The following ACSM6 variants were observed in gnomAD, a reference collection of about 807,000 sequenced individuals.
ACSM6 encodes acyl-coenzyme A synthetase ACSM6, mitochondrial.
Under a neutral mutation model 51.1 loss-of-function variants are expected in ACSM6, and 35 were observed. The ratio of observed to expected loss-of-function variants is 0.69; its 90% CI spans 0.52 to 0.91. ACSM6 has a LOEUF of 0.91. Among genes scored for constraint, ACSM6 ranks in the 40% least tolerant of loss-of-function variants. ACSM6 has a pLI of 0.00. For synonymous variants in ACSM6, 172 were observed against 207.3 expected, an observed-to-expected ratio of 0.83 and a Z score of 1.46; for missense variants, 509 against 584.1, an observed-to-expected ratio of 0.87 and a Z score of 1.32.
intron 4 of ACSM6, among the ~76,000 whole-genome samples, chr10:95,210,336 G>A (rs1237485579): frequency 6.6e-6 from 1 of 152,122 alleles, no homozygotes; most frequent in African/African-American, 2.4e-5. Context: ...TAGGTAAGTC[G>A]ATAGATGGGG....
chr10:95,219,935 C>G, exon 9 of ACSM6: 2 of 1,613,676 alleles, frequency 1.2e-6, no homozygotes, highest in Non-Finnish European at 8.5e-7. Flanking sequence ...TGAAGCCAAG[C>G]TCTCTGGGGA....
At chr10:95,212,172 C>T in intron 6 of ACSM6, 138 bp downstream of exon 6, 1 of 1,041,666 alleles carries the variant, frequency 9.6e-7, no homozygotes, top group South Asian at 1.6e-5. Flanking sequence ...AGATGCTCTC[C>T]CTGCTTGTGA....
intron 4 of ACSM6, among the ~76,000 whole-genome samples, chr10:95,209,022 A>G (rs2034869663): frequency 6.6e-6 from 1 of 151,916 alleles, no homozygotes; most frequent in Admixed American, 6.6e-5. Flanking sequence ...CAACAAATAG[A>G]CAACAAGAAA....
At chr10:95,208,443 A>G (rs1433633059) in intron 4 of ACSM6, among the ~76,000 whole-genome samples, 2 of 152,160 alleles carry the variant, frequency 1.3e-5, no homozygotes, top group African/African-American at 4.8e-5. Context: ...ATATCCACGT[A>G]ACAAAACTGC....
chr10:95,216,824 T>C (rs1342478731), intron 8 of ACSM6, among the ~76,000 whole-genome samples: 1 of 152,148 alleles, frequency 6.6e-6, no homozygotes, highest in Non-Finnish European at 1.5e-5. Context: ...TGTAGAATAG[T>C]TCCTTAACCA....
intron 5 of ACSM6, 132 bp from the exon 6 acceptor site, chr10:95,211,746 A>G (rs1420213803): frequency 1.5e-5 from 15 of 972,750 alleles, no homozygotes; most frequent in Non-Finnish European, 1.9e-5. Flanking sequence ...GACCTCATAA[A>G]TAGGCTTTGC....
chr10:95,204,834 AT>A (rs2034827216), intron 3 of ACSM6, among the ~76,000 whole-genome samples: 1 of 152,204 alleles, frequency 6.6e-6, no homozygotes, highest in Non-Finnish European at 1.5e-5. Flanking sequence ...GAAAAAAAAG[AT>A]GTACTACACT....
exon 1 of ACSM6, chr10:95,194,298 G>A (rs1196904868): frequency 7.4e-6 from 4 of 538,874 alleles, no homozygotes; most frequent in African/African-American, 1.9e-5. Flanking sequence ...ACTCCTCTTG[G>A]AATTGGTAAG....
intron 10 of ACSM6, 95 bp from the exon 11 acceptor site, chr10:95,228,549 G>A (rs1170027655): frequency 8.0e-7 from 1 of 1,252,306 alleles, no homozygotes; most frequent in Admixed American, 3.4e-5. Context: ...ATTTTTCTCA[G>A]TCTCCCCTGG....
Position 95,225,380 on chromosome 10 carries a change from TG to T in ACSM6, c.1292del (p.Cys431PhefsTer5). On this transcript the variant is annotated frameshift_variant, in exon 10 of 11. Coordinates refer to ENST00000341686, the Ensembl canonical transcript of ACSM6. LOFTEE classifies it low-confidence loss of function (END_TRUNC). ...ACTAAACCAACCTGCTTCTCTGTAC[TG>T]TCCACACATGGTAAGAAAATTTTCT... is the stretch of plus-strand genomic sequence containing the variant. 6.5e-7 allele frequency: 1 copy of T among 1,535,466 alleles called. No individual in the cohort carries two copies. Among genetic ancestry groups the T allele is most frequent in the Middle Eastern group, 1.7e-4 (1 of 5,960 alleles).
exon 1 of ACSM6, chr10:95,194,266 A>T: frequency 4.2e-6 from 2 of 479,372 alleles, no homozygotes; most frequent in South Asian, 8.7e-5. Context: ...CATCCTCCAA[A>T]CATCTGAAGC....
chr10:95,226,988 C>CTTT (rs11342263), intron 10 of ACSM6, among the ~76,000 whole-genome samples: 20 of 140,184 alleles, frequency 1.4e-4, no homozygotes, highest in South Asian at 1.1e-3. Context: ...TATATGACAA[C>CTTT]TTTTTTTTTT....
intron 8 of ACSM6, among the ~76,000 whole-genome samples, chr10:95,216,279 C>T (rs578086376): frequency 5.5e-4 from 83 of 152,082 alleles, no homozygotes; most frequent in Non-Finnish European, 8.4e-4. Context: ...GTGCCACCCT[C>T]ATGACCTCAT....
At chr10:95,219,846 T>G (rs556928116) in intron 8 of ACSM6, 45 bp from the exon 9 acceptor site, 23 of 1,442,378 alleles carry the variant, frequency 1.6e-5, no homozygotes, top group Admixed American at 1.5e-4. Flanking sequence ...ATCCATTAAT[T>G]TATTGCTTTT....
chr10:95,202,639 G>A (rs1299074367), intron 3 of ACSM6, among the ~76,000 whole-genome samples: 1 of 151,992 alleles, frequency 6.6e-6, no homozygotes, highest in Non-Finnish European at 1.5e-5. Context: ...GAGAATGTAG[G>A]GGTACTGGGT....
intron 9 of ACSM6, 44 bp downstream of exon 9, chr10:95,220,015 G>A (rs763241107): frequency 1.3e-6 from 2 of 1,482,142 alleles, no homozygotes; most frequent in Admixed American, 3.6e-5. Context: ...TATTAAGTGA[G>A]CTCTTACAGT....
At chr10:95,199,357 G>A (rs1257249889) in intron 2 of ACSM6, among the ~76,000 whole-genome samples, 4 of 152,012 alleles carry the variant, frequency 2.6e-5, no homozygotes, top group African/African-American at 4.8e-5. Flanking sequence ...AATTCAAGAT[G>A]GATTAAAGAC....
At chr10:95,196,906 T>TA (rs569044728) in intron 2 of ACSM6, among the ~76,000 whole-genome samples, 192 of 152,354 alleles carry the variant, frequency 1.3e-3, no homozygotes, top group Non-Finnish European at 2.0e-3. Context: ...GTTACCCCTC[T>TA]AAGTAGTTTA....
chr10:95,202,092 C>T (rs1248766356), exon 3 of ACSM6: 1 of 1,552,082 alleles, frequency 6.4e-7, no homozygotes, highest in African/African-American at 1.4e-5. Flanking sequence ...AGGCCGCCAG[C>T]ATCCTCTCAG....
Sources: gnomAD v4.1 joint callset for allele counts (sites outside exome capture counted in the v4.1 genomes callset) on GRCh38, gnomAD v4.1.1 for gene constraint, MANE v1.5 for transcripts, NCBI Gene and HGNC (gene_info 2026-07-23, HGNC 2026-07-21) for gene names.